The following EXOC5 variants were observed in gnomAD, a reference collection of about 807,000 sequenced individuals.
EXOC5 encodes SEC10-like 1.
Under a neutral mutation model 90.8 loss-of-function variants are expected in EXOC5, and 17 were observed. The observed-to-expected ratio is 0.19, with a 90% CI of 0.13 to 0.28. The LOEUF is 0.28. Ranked by LOEUF, EXOC5 falls within the 10% of genes least tolerant of loss-of-function variation. EXOC5 has a pLI of 1.00. For synonymous variants in EXOC5, 260 were observed against 270.0 expected (o/e 0.96, Z 0.36); for missense variants, 569 against 830.6 (o/e 0.69, Z 3.87).
Position 57,206,063 on chromosome 14 carries a change from A to T in EXOC5, c.*2546T>A. ...TATTCTGTATTTCAGATATTTCTCA[A>T]TTTTAGAAAAACAATGCACAGTGTG... On this transcript the variant is annotated 3_prime_UTR_variant, in exon 18 of 18. Coordinates refer to ENST00000621441, the MANE Select transcript of EXOC5 (RefSeq NM_006544.4). 1 of 446,212 alleles carries T rather than the reference A, an allele frequency of 2.2e-6. No homozygotes were observed. The highest frequency in any genetic ancestry group is 1.6e-5 in the South Asian group (1 of 63,420). 27.6% of individuals were successfully genotyped at this position (446,212 alleles called of 1,614,324 possible). A position where few individuals can be genotyped will look rare whatever the true frequency, so the allele number is the denominator to read the frequency against.
Position 57,201,962 on chromosome 14 carries a change from A to C in EXOC5, c.*6647T>G, listed in dbSNP as rs945949267. The C allele has an allele frequency of 3.2e-4, 48 of 152,180 alleles. No individual in the cohort carries two copies. Among genetic ancestry groups the C allele is most frequent in the African/African-American group, 1.1e-3 (44 of 41,528 alleles). The allele number at this position is 152,180 out of a possible 1,614,324, so 9.4% of individuals were successfully genotyped here. ...CTACCTCCAAAATATTTACAAAGGG[A>C]AAAGTAATAGTTTTAAAGTGGAGAA... On this transcript the variant is annotated 3_prime_UTR_variant, in exon 18 of 18. Coordinates refer to ENST00000621441, the MANE Select transcript of EXOC5 (RefSeq NM_006544.4).
At chr14:57,210,114 T>C in intron 15 of EXOC5, 53 bp from the exon 16 acceptor site, 1 of 739,028 alleles carries the variant, frequency 1.4e-6, no homozygotes, top group Non-Finnish European at 2.3e-6. Context: ...ACTCTATGTT[T>C]ATGTTTAATT....
At chr14:57,240,607 G>A (rs1464963876) in intron 4 of EXOC5, among the ~76,000 whole-genome samples, 11 of 151,892 alleles carry the variant, frequency 7.2e-5, no homozygotes, top group African/African-American at 2.7e-4. Context: ...TATTCAAGTT[G>A]TGGAACTAAG....
intron 3 of EXOC5, among the ~76,000 whole-genome samples, chr14:57,246,024 T>C (rs1416780899): frequency 6.6e-6 from 1 of 151,728 alleles, no homozygotes; most frequent in Non-Finnish European, 1.5e-5. Flanking sequence ...CACTCCAGCC[T>C]GGGCGACAGA....
intron 15 of EXOC5, among the ~76,000 whole-genome samples, chr14:57,214,915 T>C (rs1168348615): frequency 6.6e-6 from 1 of 152,136 alleles, no homozygotes; most frequent in Non-Finnish European, 1.5e-5. Context: ...ATGGCCTTAC[T>C]AGTGAATTCT....
chr14:57,235,788 G>C lies in EXOC5; in HGVS notation c.592C>G (p.Gln198Glu), dbSNP rs1490523161. Reference sequence around the variant, plus strand: ...CTTCTTTGAGCACTGGTAAACTCCTGAATCAGCTGGCATTCTAAATCATGG... The same window carrying C: ...CTTCTTTGAGCACTGGTAAACTCCTCAATCAGCTGGCATTCTAAATCATGG... ...KYHDLECQLI[Q>E]EFTSAQRRGE... The change falls in exon 7 of 18, where the codon CAG becomes GAG. Residue 198 changes from glutamine to glutamate, a missense_variant. By Grantham distance (29) the Gln-to-Glu change is conservative. Around this residue, in one of 9 missense-constraint regions of EXOC5, gnomAD observed 97 missense variants for 177.9 expected, o/e 0.55. Transcript: ENST00000621441. 9 of 1,557,606 alleles carry C rather than the reference G, an allele frequency of 5.8e-6. No homozygotes were observed. Among genetic ancestry groups the C allele is most frequent in the Non-Finnish European group, 7.0e-6 (8 of 1,147,926 alleles).
At position 57,201,496 on chromosome 14, in the gene EXOC5, GTATA is replaced by G. The variant is rs1474334327; in HGVS notation, c.*7109_*7112del. On this transcript the variant is annotated 3_prime_UTR_variant, in exon 18 of 18. Coordinates refer to ENST00000621441, the MANE Select transcript of EXOC5 (RefSeq NM_006544.4). Reference sequence around the variant, plus strand: ...TACACACACGTGTATAAACACACGTGTATATACACACACATATGTATATATATAC... The same window carrying G: ...TACACACACGTGTATAAACACACGTGTACACACACATATGTATATATATAC... 8.2e-6 allele frequency: 1 copy of G among 122,692 alleles called. No homozygotes were observed. Among genetic ancestry groups the G allele is most frequent in the African/African-American group, 4.2e-5 (1 of 23,840 alleles). 7.6% of individuals were successfully genotyped at this position (122,692 alleles called of 1,614,324 possible).
At chr14:57,222,800 C>T (rs544900750) in intron 12 of EXOC5, among the ~76,000 whole-genome samples, 5 of 151,338 alleles carry the variant, frequency 3.3e-5, no homozygotes, top group Admixed American at 2.6e-4. Context: ...CACACACATA[C>T]ACACACACAT....
chr14:57,234,388 C>T (rs896959537), intron 7 of EXOC5, among the ~76,000 whole-genome samples: 26 of 151,620 alleles, frequency 1.7e-4, no homozygotes, highest in South Asian at 6.2e-4. Flanking sequence ...CACCCACACA[C>T]ATACACACAA....
intron 3 of EXOC5, among the ~76,000 whole-genome samples, chr14:57,244,995 C>CAAA (rs202230061): frequency 1.5e-4 from 12 of 79,146 alleles, no homozygotes; most frequent in African/African-American, 3.3e-4. Context: ...AACTCTGCCT[C>CAAA]AAAAAAAAAA....
chr14:57,263,207 T>C (rs961408079), intron 1 of EXOC5, among the ~76,000 whole-genome samples: 7 of 152,180 alleles, frequency 4.6e-5, no homozygotes, highest in Admixed American at 3.3e-4. Context: ...CAGTGGCTCA[T>C]GCCTATAATC....
At chr14:57,215,197 A>T (rs562110304) in intron 15 of EXOC5, among the ~76,000 whole-genome samples, 3 of 151,704 alleles carry the variant, frequency 2.0e-5, no homozygotes, top group Non-Finnish European at 2.9e-5. Context: ...GTGCCACTGG[A>T]CTCCAGCCTG....
chr14:57,249,285 T>C (rs1884116878), intron 1 of EXOC5, among the ~76,000 whole-genome samples: 1 of 152,156 alleles, frequency 6.6e-6, no homozygotes, highest in Non-Finnish European at 1.5e-5. Context: ...AAAAACTTCA[T>C]ATAGTAATCA....
At chr14:57,217,944 A>C in intron 15 of EXOC5, 38 bp downstream of exon 15, 1 of 1,020,836 alleles carries the variant, frequency 9.8e-7, no homozygotes, top group Non-Finnish European at 1.5e-6. Context: ...GTGTTTTTAT[A>C]ATTTAAAAAA....
intron 12 of EXOC5, among the ~76,000 whole-genome samples, chr14:57,225,995 T>C (rs1883296114): frequency 6.6e-6 from 1 of 152,214 alleles, no homozygotes; most frequent in Non-Finnish European, 1.5e-5. Context: ...AATAATCACT[T>C]GTGCCTTAAT....
chr14:57,201,559 ATAT>A lies in EXOC5; in HGVS notation c.*7047_*7049del, dbSNP rs1252802438. 1 of 115,168 alleles carries A rather than the reference ATAT, an allele frequency of 8.7e-6. No homozygotes were observed. Among genetic ancestry groups the A allele is most frequent in the Non-Finnish European group, 1.6e-5 (1 of 61,912 alleles). The allele number at this position is 115,168 out of a possible 1,614,324, so 7.1% of individuals were successfully genotyped here. A position where few individuals can be genotyped will look rare whatever the true frequency, so the allele number is the denominator to read the frequency against. ...CACACATATACATATATTTTTATAT[ATAT>A]TAATATTATATATATATATATATAT... On this transcript the variant is annotated 3_prime_UTR_variant, in exon 18 of 18. Coordinates refer to ENST00000621441, the MANE Select transcript of EXOC5 (RefSeq NM_006544.4).
At position 57,206,316 on chromosome 14, in the gene EXOC5, T is replaced by G. The variant is rs1882650762; in HGVS notation, c.*2293A>C. ...ATACACTTTGGGCAAAATTTTGTGA[T>G]GGCTATAAATATGAAAACACTTAAA... On this transcript the variant is annotated 3_prime_UTR_variant, in exon 18 of 18. Transcript: ENST00000621441. 5.9e-6 allele frequency: 1 copy of G among 170,628 alleles called. No homozygotes were observed. Among genetic ancestry groups the G allele is most frequent in the African/African-American group, 2.4e-5 (1 of 41,640 alleles). 10.6% of individuals were successfully genotyped at this position (170,628 alleles called of 1,614,324 possible). A position where few individuals can be genotyped will look rare whatever the true frequency, so the allele number is the denominator to read the frequency against.
At chr14:57,258,633 A>G (rs937197660) in intron 1 of EXOC5, among the ~76,000 whole-genome samples, 1 of 152,214 alleles carries the variant, frequency 6.6e-6, no homozygotes, top group Non-Finnish European at 1.5e-5. Flanking sequence ...CCACCATGGC[A>G]TGTGTATACC....
intron 1 of EXOC5, among the ~76,000 whole-genome samples, chr14:57,257,881 A>G (rs577981113): frequency 6.6e-6 from 1 of 152,260 alleles, no homozygotes; most frequent in East Asian, 1.9e-4. Context: ...AATACCTGTA[A>G]AAAAATTTTT....
Sources: gnomAD v4.1 joint callset for allele counts (sites outside exome capture counted in the v4.1 genomes callset) on GRCh38, gnomAD v4.1.1 for gene constraint, gnomAD v4.1.1 regional missense constraint, MANE v1.5 for transcripts, NCBI Gene and HGNC (gene_info 2026-07-23, HGNC 2026-07-21) for gene names.